RIPK4: variants seen among roughly 807,000 people sequenced by gnomAD.
The protein encoded by RIPK4 is receptor-interacting serine/threonine-protein kinase 4.
RIPK4 carries 17 observed loss-of-function variants against 42.9 expected under a neutral mutation model. The observed-to-expected ratio is 0.40, with a 90% CI of 0.27 to 0.59. The LOEUF is 0.59. RIPK4 is among the 20% of genes least tolerant of loss of function. The pLI, the probability that RIPK4 is intolerant of heterozygous loss-of-function variation, is 0.47. For missense variants in RIPK4, 897 were observed against 1,104.4 expected (o/e 0.81, Z 2.66); for synonymous variants, 498 against 499.1 (o/e 1.00, Z 0.03).
At chr21:41,759,109 T>C (rs2061213418) in intron 1 of RIPK4, among the ~76,000 whole-genome samples, 1 of 152,164 alleles carries the variant, frequency 6.6e-6, no homozygotes, top group African/African-American at 2.4e-5. Flanking sequence ...TGTTTGTTTT[T>C]CTTTTTTGAA....
At position 41,741,237 on chromosome 21, in the gene RIPK4, A is replaced by G; in HGVS notation, c.1956T>C (p.Thr652=). ...CGCCCCGATGCAGGAGCAGCCTGGCAGTGCTCGTGTGCCCCGTCTCCGCGG... is the reference window on the plus strand; with the variant it reads ...CGCCCCGATGCAGGAGCAGCCTGGCGGTGCTCGTGTGCCCCGTCTCCGCGG... ...HVAAETGHTS[T]ARLLLHRGAG... is the part of the protein sequence containing the mutation. The change falls in exon 8 of 8, where the codon ACT becomes ACC. Residue 652 remains threonine (T), a synonymous_variant. Transcript: ENST00000332512. 6.2e-7 allele frequency: 1 copy of G among 1,609,368 alleles called. No homozygotes were observed.
chr21:41,754,216 A>T (rs2146054694), intron 2 of RIPK4, among the ~76,000 whole-genome samples: 1 of 152,256 alleles, frequency 6.6e-6, no homozygotes, highest in African/African-American at 2.4e-5. Context: ...AAGCTTCCAC[A>T]CTTCGTCTTC....
chr21:41,759,253 T>C (rs1430307584), intron 1 of RIPK4, among the ~76,000 whole-genome samples: 1 of 151,940 alleles, frequency 6.6e-6, no homozygotes, highest in Non-Finnish European at 1.5e-5. Context: ...TGTGCCACAC[T>C]CAGCTAATTT....
chr21:41,752,469 C>T (rs751275691), intron 2 of RIPK4, among the ~76,000 whole-genome samples: 3 of 152,060 alleles, frequency 2.0e-5, no homozygotes, highest in African/African-American at 4.8e-5. Flanking sequence ...ACCGGCCCTC[C>T]TTCTCTGCAG....
chr21:41,740,813 A>G lies in RIPK4; in HGVS notation c.*25T>C, dbSNP rs776590753. Reference sequence around the variant, plus strand: ...AGGACAGGACAAGAGCCCCACGTGGACCCCCGGTCTCCGCAGGCAGCCAGC... The same window carrying G: ...AGGACAGGACAAGAGCCCCACGTGGGCCCCCGGTCTCCGCAGGCAGCCAGC... On this transcript the variant is annotated 3_prime_UTR_variant, in exon 8 of 8. Coordinates refer to ENST00000332512, the MANE Select transcript of RIPK4 (RefSeq NM_020639.3). 6.4e-7 allele frequency: 1 copy of G among 1,569,612 alleles called. No homozygotes were observed. Among genetic ancestry groups the G allele is most frequent in the Non-Finnish European group, 8.6e-7 (1 of 1,160,472 alleles).
In RIPK4 at chr21:41,740,645, A is replaced by C. The variant is rs1601672548; in HGVS notation, c.*193T>G. 1.7e-6 allele frequency: 1 copy of C among 601,244 alleles called. No homozygotes were observed. The highest frequency in any genetic ancestry group is 2.9e-6 in the Non-Finnish European group (1 of 345,698). 37.2% of individuals were successfully genotyped at this position (601,244 alleles called of 1,614,324 possible). Reference sequence around the variant, plus strand: ...GATCGATGATGGAGCGGGCATGTGCACCTGAGCCAGCTTCACCTGGAGGGG... The same window carrying C: ...GATCGATGATGGAGCGGGCATGTGCCCCTGAGCCAGCTTCACCTGGAGGGG... On this transcript the variant is annotated 3_prime_UTR_variant, in exon 8 of 8. Coordinates refer to ENST00000332512, the MANE Select transcript of RIPK4 (RefSeq NM_020639.3).
rs1397479535 is a variant in RIPK4 at position 41,755,470 on chromosome 21, G to A, written c.474+1055C>T. On this transcript the variant is annotated intron_variant, in intron 2 of 7. Transcript: ENST00000332512. The surrounding 1 kb of genome is among the most constrained non-coding windows in gnomAD (Gnocchi z 4.2). ...GCATGCCATACGAGCCACCGCTCCC[G>A]TCCCACCCAAGAGCTCAGGGGCAGG... Among the ~76,000 whole-genome samples, 2 of 152,146 alleles carry A rather than the reference G, an allele frequency of 1.3e-5. No individual in the cohort carries two copies. The highest frequency in any genetic ancestry group is 4.8e-5 in the African/African-American group (2 of 41,428).
chr21:41,741,702 G>C lies in RIPK4; in HGVS notation c.1491C>G (p.Val497=), dbSNP rs150669860. The change falls in exon 8 of 8, where the codon GTC becomes GTG. Residue 497 remains valine (V), a synonymous_variant. Coordinates refer to ENST00000332512, the MANE Select transcript of RIPK4 (RefSeq NM_020639.3). Reference sequence around the variant, plus strand: ...TCCACTGGTCCTCATCCTTGGCGTTGACACTGATCTTCCGCGCCAGCAGGA... The same window carrying C: ...TCCACTGGTCCTCATCCTTGGCGTTCACACTGATCTTCCGCGCCAGCAGGA... ...VELLLARKIS[V]NAKDEDQWTA... 9.7e-5 allele frequency: 157 copies of C among 1,613,566 alleles called. No homozygotes were observed. The highest frequency in any genetic ancestry group is 1.3e-4 in the Non-Finnish European group (154 of 1,180,034).
In RIPK4 at chr21:41,766,996, T is replaced by C; in HGVS notation, c.46A>G (p.Thr16Ala). Residue 16 changes from threonine to alanine, a missense_variant, in exon 1 of 8, where the codon ACC becomes GCC. Thr to Ala is a moderately conservative substitution (Grantham distance 58, BLOSUM62 0). Transcript: ENST00000332512. ...GTPWALALLR[T>A]FDAGEFTGWE... ...CCCGTGAACTCGCCCGCGTCGAAGG[T>C]GCGCAGCAGCGCCAGGGCCCATGGG... The C allele has an allele frequency of 1.9e-6, 3 of 1,602,184 alleles. No homozygotes were observed. The highest frequency in any genetic ancestry group is 2.6e-6 in the Non-Finnish European group (3 of 1,175,722).
rs550077493 is a variant in RIPK4 at position 41,761,135 on chromosome 21, C to G, written c.183-4319G>C. On this transcript the variant is annotated intron_variant, in intron 1 of 7. Coordinates refer to ENST00000332512, the MANE Select transcript of RIPK4 (RefSeq NM_020639.3). ...GCAGATCAGATCGTGGGACTCTCAACCCTGTCCCCAGTCTCAGTGAGCATT... is the reference window on the plus strand; with the variant it reads ...GCAGATCAGATCGTGGGACTCTCAAGCCTGTCCCCAGTCTCAGTGAGCATT... Among the ~76,000 whole-genome samples, 17 of 152,324 alleles carry G rather than the reference C, an allele frequency of 1.1e-4. No individual in the cohort carries two copies. In the South Asian group the frequency reaches 3.5e-3, roughly 32 times the overall value.
Position 41,743,145 on chromosome 21 carries a change from C to T in RIPK4, c.1195+737G>A, listed in dbSNP as rs892339957. Reference sequence around the variant, plus strand: ...GATTGCAGCCTTGGCCCTCAGCCCCCGTGGCTGTAGCCCTGAGTGTAAATC... The same window carrying T: ...GATTGCAGCCTTGGCCCTCAGCCCCTGTGGCTGTAGCCCTGAGTGTAAATC... On this transcript the variant is annotated intron_variant, in intron 7 of 7. Coordinates refer to ENST00000332512, the MANE Select transcript of RIPK4 (RefSeq NM_020639.3). Among the ~76,000 whole-genome samples, 3 of 152,208 alleles carry T rather than the reference C, an allele frequency of 2.0e-5. No individual in the cohort carries two copies. The South Asian group carries it at 6.2e-4, about 32-fold the overall frequency.
intron 1 of RIPK4, among the ~76,000 whole-genome samples, chr21:41,759,471 C>G (rs1181903808): frequency 6.6e-6 from 1 of 152,168 alleles, no homozygotes; most frequent in Non-Finnish European, 1.5e-5. Context: ...CCTCCTATAG[C>G]AGGAAACCCA....
chr21:41,758,106 T>C (rs1430098141), intron 1 of RIPK4, among the ~76,000 whole-genome samples: 1 of 146,684 alleles, frequency 6.8e-6, no homozygotes, highest in Non-Finnish European at 1.5e-5. Context: ...TAACATAGTA[T>C]TTATTATTTT....
rs1309495400 is a variant in RIPK4 at position 41,741,334 on chromosome 21, G to A, written c.1859C>T (p.Ala620Val). The part of the protein sequence containing the change: ...LAAQRGHYRV[A>V]RILIDLCSDV... The stretch of plus-strand genomic sequence containing the variant: ...GGAGCACAGGTCGATGAGGATGCGG[G>A]CCACGCGGTAGTGCCCGCGCTGTGC... The change falls in exon 8 of 8, where the codon GCC (alanine) becomes GTC (valine). Residue 620 changes from alanine (A) to valine (V), a missense_variant. By Grantham distance (64) the Ala-to-Val change is moderately conservative. Transcript: ENST00000332512. 6.2e-7 allele frequency: 1 copy of A among 1,609,492 alleles called. No homozygotes were observed. Among genetic ancestry groups the A allele is most frequent in the African/African-American group, 1.3e-5 (1 of 74,882 alleles).
chr21:41,744,234 G>C, intron 6 of RIPK4, 94 bp from the exon 7 acceptor site: 1 of 1,283,814 alleles, frequency 7.8e-7, no homozygotes, highest in Non-Finnish European at 1.0e-6. Flanking sequence ...GGTGGGCCAC[G>C]GGAGGGAGAT....
rs1223092411 is a variant in RIPK4 at position 41,739,965 on chromosome 21, C to CTCTT, written c.*869_*872dup. 1 of 152,230 alleles carries CTCTT rather than the reference C, an allele frequency of 6.6e-6. No individual in the cohort carries two copies. The highest frequency in any genetic ancestry group is 1.5e-5 in the Non-Finnish European group (1 of 68,050). 9.4% of individuals were successfully genotyped at this position (152,230 alleles called of 1,614,324 possible). On this transcript the variant is annotated 3_prime_UTR_variant, in exon 8 of 8. Coordinates refer to ENST00000332512, the MANE Select transcript of RIPK4 (RefSeq NM_020639.3). ...ATAAAAAACACAGCTTCTCCTGCAC[C>CTCTT]TCTTCCCCAAGACTGGTGCACTCCA... is the stretch of plus-strand genomic sequence containing the variant.
At position 41,742,387 on chromosome 21, in the gene RIPK4, C is replaced by T. The variant is rs1210867864; in HGVS notation, c.1196-390G>A. 6.6e-6 allele frequency among the ~76,000 whole-genome samples: 1 copy of T among 152,200 alleles called. No individual in the cohort carries two copies. The highest frequency in any genetic ancestry group is 1.5e-5 in the Non-Finnish European group (1 of 68,034). ...TCCCATTCGCCTGGAAGCCTTGGCACCTGCCACCCACGGACGCCCCAGGCC... is the reference window on the plus strand; with the variant it reads ...TCCCATTCGCCTGGAAGCCTTGGCATCTGCCACCCACGGACGCCCCAGGCC... On this transcript the variant is annotated intron_variant, in intron 7 of 7. Coordinates refer to ENST00000332512, the MANE Select transcript of RIPK4 (RefSeq NM_020639.3). The surrounding 1 kb of genome is among the most constrained non-coding windows in gnomAD (Gnocchi z 5.1).
chr21:41,766,803 C>T lies in RIPK4; in HGVS notation c.182+57G>A, dbSNP rs1601687620. 1.9e-6 allele frequency: 3 copies of T among 1,539,438 alleles called. No individual in the cohort carries two copies. In the East Asian group the frequency reaches 7.2e-5, roughly 37 times the overall value. On this transcript the variant is annotated intron_variant, in intron 1 of 7. Coordinates refer to ENST00000332512, the MANE Select transcript of RIPK4 (RefSeq NM_020639.3). ...GCAGGACCCCGGGACCAGAGCACCC[C>T]GACCCCGACCCCAGCCCGGGCCCCA...
At chr21:41,756,885 G>T in intron 1 of RIPK4, 69 bp from the exon 2 acceptor site, 1 of 1,519,374 alleles carries the variant, frequency 6.6e-7, no homozygotes. Context: ...CAGCACCCTG[G>T]CCAGAAGACG....
Sources: allele counts gnomAD v4.1 joint callset (sites outside exome capture counted in the v4.1 genomes callset), GRCh38; gene constraint gnomAD v4.1.1; non-coding constraint Gnocchi (gnomAD v3.1); transcripts MANE v1.5; gene names NCBI Gene and HGNC (gene_info 2026-07-23, HGNC 2026-07-21).